FAF1: variants seen among roughly 807,000 people sequenced by gnomAD.
The protein encoded by FAF1 is Fas associated factor 1.
A neutral mutation model predicts 92.5 loss-of-function variants in FAF1; 25 were observed. That is an observed-to-expected ratio of 0.27 (90% CI 0.20 to 0.38). The LOEUF (loss-of-function observed/expected upper bound fraction) is 0.38. Among genes scored for constraint, FAF1 ranks in the 10% least tolerant of loss-of-function variants. FAF1 has a pLI of 1.00. For synonymous variants in FAF1, 234 were observed against 273.2 expected, an observed-to-expected ratio of 0.86 and a Z score of 1.42; for missense variants, 636 against 793.3, an observed-to-expected ratio of 0.80 and a Z score of 2.38.
chr1:50,462,214 T>C (rs747759848), intron 18 of FAF1: 7 of 152,006 alleles, frequency 4.6e-5, no homozygotes, highest in Admixed American at 1.3e-4. Flanking sequence ...CTGAGCATAA[T>C]TATATGCTGA....
chr1:50,563,297 G>A (rs1650018243), intron 13 of FAF1, among the ~76,000 whole-genome samples: 1 of 152,102 alleles, frequency 6.6e-6, no homozygotes, highest in Non-Finnish European at 1.5e-5. Flanking sequence ...GGGGCATGGT[G>A]TCACACACCT....
chr1:50,674,526 A>T (rs766583820), intron 7 of FAF1, among the ~76,000 whole-genome samples: 2 of 152,236 alleles, frequency 1.3e-5, no homozygotes, highest in Non-Finnish European at 2.9e-5. Flanking sequence ...ATTCTGATCA[A>T]AGATACCTTG....
At chr1:50,465,402 T>C (rs1646482094) in intron 18 of FAF1, among the ~76,000 whole-genome samples, 2 of 152,200 alleles carry the variant, frequency 1.3e-5, no homozygotes, top group Admixed American at 1.3e-4. Flanking sequence ...GGGAACTCAA[T>C]AAGTAGAAGA....
chr1:50,739,159 G>A (rs1401507615), intron 5 of FAF1, among the ~76,000 whole-genome samples: 2 of 151,538 alleles, frequency 1.3e-5, no homozygotes, highest in African/African-American at 4.8e-5. Flanking sequence ...GGGGAAATAT[G>A]GTTGTATACC....
At chr1:50,536,061 A>G (rs1648464366) in intron 14 of FAF1, among the ~76,000 whole-genome samples, 1 of 152,162 alleles carries the variant, frequency 6.6e-6, no homozygotes, top group Non-Finnish European at 1.5e-5. Flanking sequence ...ATTATCTTCT[A>G]TCATCAAAAA....
intron 6 of FAF1, among the ~76,000 whole-genome samples, chr1:50,711,306 A>G (rs541205301): frequency 7.9e-5 from 12 of 152,304 alleles, no homozygotes; most frequent in African/African-American, 2.6e-4. Context: ...AAAATCTTAC[A>G]GTGATAGTGA....
chr1:50,534,565 T>C (rs2149037288), intron 15 of FAF1, among the ~76,000 whole-genome samples: 2 of 152,290 alleles, frequency 1.3e-5, no homozygotes, highest in Admixed American at 1.3e-4. Context: ...TGAGCCCCTG[T>C]GCCCAGCCTC....
intron 15 of FAF1, among the ~76,000 whole-genome samples, chr1:50,497,207 T>C (rs1646909466): frequency 6.6e-6 from 1 of 152,116 alleles, no homozygotes; most frequent in South Asian, 2.1e-4. Context: ...GACAGCCGAC[T>C]TTTCATCAGA....
intron 4 of FAF1, among the ~76,000 whole-genome samples, chr1:50,767,705 C>T: frequency 6.6e-6 from 1 of 152,054 alleles, no homozygotes; most frequent in East Asian, 1.9e-4. Flanking sequence ...TCATATCCTG[C>T]CAGATTAAGC....
chr1:50,762,563 A>G (rs1308171142), intron 4 of FAF1, among the ~76,000 whole-genome samples: 2 of 152,178 alleles, frequency 1.3e-5, no homozygotes, highest in African/African-American at 2.4e-5. Context: ...GATCTTTGAC[A>G]AACCTGAGAA....
chr1:50,870,386 G>A lies in FAF1; in HGVS notation c.46-12389C>T, dbSNP rs112070711. ...GCAAGAAAATCACTTGAACGCGCGA[G>A]GCACAAGTTGCAGAGAGCCGAGATT... On this transcript the variant is annotated intron_variant, in intron 1 of 18. Coordinates refer to ENST00000396153, the MANE Select transcript of FAF1 (RefSeq NM_007051.3). 2.3e-3 allele frequency among the ~76,000 whole-genome samples: 343 copies of A among 152,336 alleles called. 3 individuals carry two copies. Among genetic ancestry groups the A allele is most frequent in the South Asian group, 0.014 (69 of 4,828 alleles).
At chr1:50,946,351 A>G (rs971309233) in intron 1 of FAF1, among the ~76,000 whole-genome samples, 2 of 152,204 alleles carry the variant, frequency 1.3e-5, no homozygotes, top group Non-Finnish European at 1.5e-5. Context: ...CAACCAGAGG[A>G]ATGTTCAGGC....
At position 50,552,206 on chromosome 1, in the gene FAF1, A is replaced by G. The variant is rs142425517; in HGVS notation, c.1269-12478T>C. The stretch of plus-strand genomic sequence containing the variant: ...CAGCTACTCAGGAGGTTGAGGCAGG[A>G]GAATAGCTTGAACCCGGGAGGTGGA... On this transcript the variant is annotated intron_variant, in intron 13 of 18. Coordinates refer to ENST00000396153, the MANE Select transcript of FAF1 (RefSeq NM_007051.3). Among the ~76,000 whole-genome samples the G allele has an allele frequency of 7.2e-3, 1,087 of 151,856 alleles. 12 individuals carry two copies. The highest frequency in any genetic ancestry group is 0.025 in the African/African-American group (1,055 of 41,390).
At chr1:50,558,034 G>T (rs10888698) in intron 13 of FAF1, among the ~76,000 whole-genome samples, 13,995 of 151,788 alleles carry the variant, frequency 0.092, 832 homozygotes, top group African/African-American at 0.17. Flanking sequence ...AAGTAGCTGG[G>T]ACTACAGGCA....
intron 8 of FAF1, among the ~76,000 whole-genome samples, chr1:50,598,033 C>T (rs539175729): frequency 6.6e-6 from 1 of 152,186 alleles, no homozygotes; most frequent in Non-Finnish European, 1.5e-5. Flanking sequence ...GTGGCTCATG[C>T]CTGTAATTCC....
At chr1:50,914,395 C>A (rs1417644162) in intron 1 of FAF1, among the ~76,000 whole-genome samples, 1 of 152,132 alleles carries the variant, frequency 6.6e-6, no homozygotes, top group African/African-American at 2.4e-5. Context: ...TAATTCTCTA[C>A]CATCAATTCT....
intron 1 of FAF1, among the ~76,000 whole-genome samples, chr1:50,888,870 T>C (rs1051756792): frequency 1.3e-5 from 2 of 152,224 alleles, no homozygotes; most frequent in Non-Finnish European, 2.9e-5. Context: ...AGGATGATGC[T>C]GGCTTCATAA....
At position 50,491,796 on chromosome 1, in the gene FAF1, T is replaced by C. The variant is rs1453696288; in HGVS notation, c.1500A>G (p.Glu500=). 1 of 1,607,796 alleles carries C rather than the reference T, an allele frequency of 6.2e-7. No individual in the cohort carries two copies. Among genetic ancestry groups the C allele is most frequent in the South Asian group, 1.1e-5 (1 of 89,094 alleles). ...TCTTCACATTTTCTCTGGCTTCACG[T>C]TCATCCTTAAAGAAAAAGATTCAAA... ...QQQEDIKDED[E]REARENVKRE... is the part of the protein sequence containing the mutation. The change falls in exon 16 of 19, where the codon GAA becomes GAG. Residue 500 remains glutamate (E), a synonymous_variant. Transcript: ENST00000396153.
chr1:50,631,082 G>T (rs897179509), intron 8 of FAF1, among the ~76,000 whole-genome samples: 16 of 151,782 alleles, frequency 1.1e-4, no homozygotes, highest in African/African-American at 3.4e-4. Flanking sequence ...GAGCCACAGT[G>T]CCCAGCCTCT....
Sources: gnomAD v4.1 joint callset for allele counts (sites outside exome capture counted in the v4.1 genomes callset) on GRCh38, gnomAD v4.1.1 for gene constraint, MANE v1.5 for transcripts, NCBI Gene and HGNC (gene_info 2026-07-23, HGNC 2026-07-21) for gene names.